KCNIP4: variants seen among roughly 807,000 people sequenced by gnomAD.
KCNIP4 encodes the protein potassium voltage-gated channel interacting protein 4, also known as Kv channel-interacting protein 4.
A neutral mutation model predicts 34.0 loss-of-function variants in KCNIP4; 12 were observed. The observed-to-expected ratio is 0.35, with a 90% CI of 0.23 to 0.57. KCNIP4 has a LOEUF of 0.57. Among genes scored for constraint, KCNIP4 ranks in the 20% least tolerant of loss-of-function variants. The pLI is 0.83. For synonymous variants in KCNIP4, 124 were observed against 102.2 expected (o/e 1.21, Z -1.29); for missense variants, 238 against 311.7 (o/e 0.76, Z 1.78).
chr4:20,842,461 G>A (rs914327242), intron 3 of KCNIP4, among the ~76,000 whole-genome samples: 5 of 151,944 alleles, frequency 3.3e-5, no homozygotes, highest in African/African-American at 1.2e-4. Flanking sequence ...CTGGCTGATC[G>A]TGAACTAGTT....
At chr4:21,901,294 C>G (rs1450352185) in intron 1 of KCNIP4, among the ~76,000 whole-genome samples, 1 of 152,218 alleles carries the variant, frequency 6.6e-6, no homozygotes, top group African/African-American at 2.4e-5. Flanking sequence ...CAACAAAAAG[C>G]AGACCCACTA....
chr4:21,075,828 G>T (rs1745438609), intron 1 of KCNIP4, among the ~76,000 whole-genome samples: 1 of 152,174 alleles, frequency 6.6e-6, no homozygotes, highest in Non-Finnish European at 1.5e-5. Context: ...TTTTAGGGCA[G>T]GCCTGGTGGT....
At chr4:20,842,921 T>TG (rs920015216) in intron 3 of KCNIP4, among the ~76,000 whole-genome samples, 1 of 151,720 alleles carries the variant, frequency 6.6e-6, no homozygotes, top group African/African-American at 2.4e-5. Context: ...ATTTTTTTTT[T>TG]TTTTTTGAGA....
At chr4:20,922,954 T>G (rs1729553030) in intron 1 of KCNIP4, among the ~76,000 whole-genome samples, 1 of 152,138 alleles carries the variant, frequency 6.6e-6, no homozygotes, top group East Asian at 1.9e-4. Flanking sequence ...TAGTTAAACA[T>G]GTGAGTACGT....
At chr4:21,737,804 G>C (rs9784435) in intron 1 of KCNIP4, among the ~76,000 whole-genome samples, 36 of 152,202 alleles carry the variant, frequency 2.4e-4, no homozygotes, top group African/African-American at 8.2e-4. Flanking sequence ...TTAAAAGTCA[G>C]CCGGGCATGG....
chr4:21,363,077 C>T (rs951957318), intron 1 of KCNIP4, among the ~76,000 whole-genome samples: 1 of 152,134 alleles, frequency 6.6e-6, no homozygotes, highest in Non-Finnish European at 1.5e-5. Flanking sequence ...TTCTTTATCT[C>T]CTTTTTGCAA....
intron 1 of KCNIP4, among the ~76,000 whole-genome samples, chr4:21,728,969 A>G (rs1185493340): frequency 6.6e-6 from 1 of 152,142 alleles, no homozygotes; most frequent in Non-Finnish European, 1.5e-5. Flanking sequence ...ACATATATAC[A>G]CACTCATGCA....
intron 1 of KCNIP4, among the ~76,000 whole-genome samples, chr4:21,870,038 T>C (rs1020669462): frequency 4.6e-5 from 7 of 152,194 alleles, no homozygotes; most frequent in African/African-American, 1.7e-4. Flanking sequence ...ATACCATCTG[T>C]GTATCTGCGG....
chr4:21,076,775 C>T (rs1031204838), intron 1 of KCNIP4, among the ~76,000 whole-genome samples: 1 of 152,098 alleles, frequency 6.6e-6, no homozygotes, highest in Non-Finnish European at 1.5e-5. Flanking sequence ...AGCTCTCATA[C>T]ACTTTGAGTT....
intron 1 of KCNIP4, among the ~76,000 whole-genome samples, chr4:21,052,312 G>T (rs955618462): frequency 6.6e-6 from 1 of 152,042 alleles, no homozygotes; most frequent in East Asian, 1.9e-4. Flanking sequence ...TCTAGAATTT[G>T]TACATATGAC....
At chr4:21,892,981 ACCC>A (rs1178143591) in intron 1 of KCNIP4, among the ~76,000 whole-genome samples, 43 of 152,272 alleles carry the variant, frequency 2.8e-4, no homozygotes, top group African/African-American at 9.9e-4. Context: ...AAAAGTTAAT[ACCC>A]CATTTCGGTT....
chr4:21,837,532 C>CAAAAAAAAAAAAAAAAAAAAA (rs60449238), intron 1 of KCNIP4, among the ~76,000 whole-genome samples: 2 of 78,554 alleles, frequency 2.5e-5, no homozygotes, highest in Admixed American at 1.8e-4. Context: ...AAAACGCTGT[C>CAAAAAAAAAAAAAAAAAAAAA]AAAAAAAAAA....
chr4:21,718,285 G>A (rs1714537157), intron 1 of KCNIP4, among the ~76,000 whole-genome samples: 1 of 152,154 alleles, frequency 6.6e-6, no homozygotes, highest in Non-Finnish European at 1.5e-5. Context: ...GCAAAACACA[G>A]TTATGTGAAA....
At chr4:21,860,506 T>TC (rs11436237) in intron 1 of KCNIP4, among the ~76,000 whole-genome samples, 16,353 of 152,216 alleles carry the variant, frequency 0.11, 887 homozygotes, top group Middle Eastern at 0.14. Context: ...ATGTTATGAC[T>TC]TTTTTCCCAT....
chr4:21,922,589 G>T (rs1365081448), intron 1 of KCNIP4, among the ~76,000 whole-genome samples: 1 of 151,990 alleles, frequency 6.6e-6, no homozygotes, highest in African/African-American at 2.4e-5. Context: ...CAAACATTTT[G>T]CTATACAAAG....
At chr4:21,858,870 CTAAGATA>C (rs1724904806) in intron 1 of KCNIP4, among the ~76,000 whole-genome samples, 1 of 152,076 alleles carries the variant, frequency 6.6e-6, no homozygotes, top group Non-Finnish European at 1.5e-5. Flanking sequence ...CCACAGTATC[CTAAGATA>C]TACTCATATA....
At chr4:21,679,204 G>C (rs1455246185) in intron 1 of KCNIP4, among the ~76,000 whole-genome samples, 1 of 152,156 alleles carries the variant, frequency 6.6e-6, no homozygotes, top group Non-Finnish European at 1.5e-5. Context: ...TTAAACAAAT[G>C]CACACTCTAA....
chr4:21,716,228 CTT>C (rs566960899), intron 1 of KCNIP4, among the ~76,000 whole-genome samples: 77 of 152,052 alleles, frequency 5.1e-4, no homozygotes, highest in Non-Finnish European at 9.1e-4. Context: ...ACATAATAGT[CTT>C]TTTTTAATTT....
In KCNIP4 at chr4:21,639,075, G is replaced by T. The variant is rs1166372250; in HGVS notation, c.61+309496C>A. 2.0e-5 allele frequency among the ~76,000 whole-genome samples: 3 copies of T among 152,138 alleles called. No individual in the cohort carries two copies. In the East Asian group the frequency reaches 5.8e-4, roughly 29 times the overall value. On this transcript the variant is annotated intron_variant, in intron 1 of 8. Coordinates refer to ENST00000382152, the MANE Select transcript of KCNIP4 (RefSeq NM_025221.6). ...TTTTAAAAGAATGTGAATAAATTTA[G>T]ATGTGAATTTTAAGTTCTTGACAGA...
Sources: gnomAD v4.1 joint callset for allele counts (sites outside exome capture counted in the v4.1 genomes callset) on GRCh38, gnomAD v4.1.1 for gene constraint, MANE v1.5 for transcripts, NCBI Gene and HGNC (gene_info 2026-07-23, HGNC 2026-07-21) for gene names.